DMRT1: variants seen among roughly 807,000 people sequenced by gnomAD.
The protein encoded by DMRT1 is doublesex and mab-3 related transcription factor 1.
DMRT1 carries 7 observed loss-of-function variants against 32.3 expected under a neutral mutation model. The observed-to-expected ratio is 0.22, with a 90% CI of 0.12 to 0.41. The LOEUF (loss-of-function observed/expected upper bound fraction) is 0.41, where lower values mean the gene tolerates loss of function less well. Among genes scored for constraint, DMRT1 ranks in the 10% least tolerant of loss-of-function variants. The probability of loss-of-function intolerance (pLI) is 1.00; values close to 1 mark genes in which losing one functional copy is unlikely to be tolerated. For synonymous variants in DMRT1, 278 were observed against 206.1 expected, an observed-to-expected ratio of 1.35 and a Z score of -2.99; for missense variants, 625 against 500.5, an observed-to-expected ratio of 1.25 and a Z score of -2.37.
intron 2 of DMRT1, among the ~76,000 whole-genome samples, chr9:862,266 G>C (rs965928528): frequency 2.0e-5 from 3 of 152,154 alleles, no homozygotes; most frequent in Admixed American, 2.0e-4. Context: ...TCGGGAGGCC[G>C]AGGCTGGCAG....
chr9:862,276 G>A (rs1194188481), intron 2 of DMRT1, among the ~76,000 whole-genome samples: 1 of 152,188 alleles, frequency 6.6e-6, no homozygotes, highest in African/African-American at 2.4e-5. Context: ...GAGGCTGGCA[G>A]ACCACTCGCG....
intron 3 of DMRT1, among the ~76,000 whole-genome samples, chr9:916,277 G>A (rs1350624389): frequency 6.6e-6 from 1 of 152,182 alleles, no homozygotes; most frequent in African/African-American, 2.4e-5. Flanking sequence ...CCTTAAGATA[G>A]AAAGGGCACC....
intron 3 of DMRT1, among the ~76,000 whole-genome samples, chr9:911,498 TTTTTTTTTTTTTTA>T (rs1171143586): frequency 3.3e-5 from 3 of 91,346 alleles, no homozygotes; most frequent in African/African-American, 1.1e-4. Flanking sequence ...TTTTTTTTTT[TTTTTTTTTTTTTTA>T]GATGGAGTCG....
chr9:897,333 G>A lies in DMRT1; in HGVS notation c.822+3138G>A, dbSNP rs182865820. On this transcript the variant is annotated intron_variant, in intron 3 of 4. Coordinates refer to ENST00000382276, the MANE Select transcript of DMRT1 (RefSeq NM_021951.3). ...GTGTTTCACCATGTTAGCCAGGATG[G>A]TCTCAATCTCCTGACCTCGTGATCC... 5.6e-3 allele frequency among the ~76,000 whole-genome samples: 850 copies of A among 151,870 alleles called. 9 individuals are homozygous for A. The highest frequency in any genetic ancestry group is 8.6e-3 in the Non-Finnish European group (586 of 67,968).
chr9:951,732 T>G (rs1307928992), intron 4 of DMRT1, among the ~76,000 whole-genome samples: 23 of 152,132 alleles, frequency 1.5e-4, no homozygotes. Context: ...TTGACAGAAA[T>G]GAGACCCTGG....
intron 1 of DMRT1, among the ~76,000 whole-genome samples, chr9:845,370 G>C (rs1487233360): frequency 6.6e-6 from 1 of 151,596 alleles, no homozygotes; most frequent in Non-Finnish European, 1.5e-5. Context: ...ACCATGCCTG[G>C]CTAGTTTTTG....
intron 2 of DMRT1, among the ~76,000 whole-genome samples, chr9:856,576 G>T (rs1329922897): frequency 2.0e-5 from 3 of 152,072 alleles, no homozygotes; most frequent in African/African-American, 7.2e-5. Context: ...AATTATTATT[G>T]TTCCTTTATA....
rs776684139 is a variant in DMRT1 at position 846,943 on chromosome 9, T to C, written c.355-17T>C. 1.2e-5 allele frequency: 20 copies of C among 1,613,912 alleles called. No individual in the cohort carries two copies. Among genetic ancestry groups the C allele is most frequent in the Admixed American group, 1.7e-5 (1 of 59,998 alleles). On this transcript the variant is annotated splice_polypyrimidine_tract_variant and intron_variant, in intron 1 of 4. Transcript: ENST00000382276. ...TTCTGGAGTGCTGGAGGATGACTCA[T>C]TGTCGTGTGCTTCCAGGTGGCCCTG... is the stretch of plus-strand genomic sequence containing the variant.
At chr9:963,439 A>G (rs1819839187) in intron 4 of DMRT1, among the ~76,000 whole-genome samples, 1 of 152,164 alleles carries the variant, frequency 6.6e-6, no homozygotes, top group African/African-American at 2.4e-5. Context: ...GTAAATTTAT[A>G]GTAAATGGAG....
At chr9:923,694 G>T (rs1210895193) in intron 4 of DMRT1, among the ~76,000 whole-genome samples, 1 of 152,134 alleles carries the variant, frequency 6.6e-6, no homozygotes, top group Non-Finnish European at 1.5e-5. Flanking sequence ...AGAGGGCTGC[G>T]TTTGTTATGT....
chr9:897,176 C>T (rs569501018), intron 3 of DMRT1, among the ~76,000 whole-genome samples: 1 of 151,394 alleles, frequency 6.6e-6, no homozygotes, highest in South Asian at 2.1e-4. Context: ...GCAGTGGCGC[C>T]ATCTCGGCTC....
At chr9:900,588 G>C (rs1817534712) in intron 3 of DMRT1, among the ~76,000 whole-genome samples, 2 of 151,600 alleles carry the variant, frequency 1.3e-5, no homozygotes, top group Admixed American at 6.6e-5. Context: ...TCAGGAGACA[G>C]TTATGATGAA....
chr9:871,328 T>C (rs1338689226), intron 2 of DMRT1, among the ~76,000 whole-genome samples: 1 of 144,332 alleles, frequency 6.9e-6, no homozygotes, highest in African/African-American at 2.6e-5. Flanking sequence ...GCCCGGCTGG[T>C]CTTTGAACTC....
At chr9:893,603 C>G (rs543911182) in intron 2 of DMRT1, among the ~76,000 whole-genome samples, 1 of 152,242 alleles carries the variant, frequency 6.6e-6, no homozygotes, top group African/African-American at 2.4e-5. Flanking sequence ...TCTTCAGTTT[C>G]TTGACATTAG....
At chr9:942,716 C>T (rs1041351154) in intron 4 of DMRT1, among the ~76,000 whole-genome samples, 2 of 152,000 alleles carry the variant, frequency 1.3e-5, no homozygotes, top group Admixed American at 6.6e-5. Context: ...TCAGATTTTC[C>T]AGAGGTTCGT....
At chr9:873,431 G>C (rs1213409866) in intron 2 of DMRT1, among the ~76,000 whole-genome samples, 1 of 151,516 alleles carries the variant, frequency 6.6e-6, no homozygotes, top group Non-Finnish European at 1.5e-5. Context: ...TCAGACTCCT[G>C]AGTAGCTGGG....
At chr9:893,519 T>A (rs1817232899) in intron 2 of DMRT1, among the ~76,000 whole-genome samples, 1 of 152,266 alleles carries the variant, frequency 6.6e-6, no homozygotes, top group Non-Finnish European at 1.5e-5. Flanking sequence ...CCACTCGTTT[T>A]GACTTTCTAA....
rs1227809094 is a variant in DMRT1, at chr9:968,459, G to C, written c.*320G>C. 5 of 269,998 alleles carry C rather than the reference G, an allele frequency of 1.9e-5. No homozygotes were observed. In the East Asian group the frequency reaches 3.5e-4, roughly 19 times the overall value. The allele number at this position is 269,998 out of a possible 1,614,324, so 16.7% of individuals were successfully genotyped here. On this transcript the variant is annotated 3_prime_UTR_variant, in exon 5 of 5. Coordinates refer to ENST00000382276, the MANE Select transcript of DMRT1 (RefSeq NM_021951.3). ...AAGCCATTTGTGTGCCTCTAAATGAGTCATCTAATTAGATGTTACTTTTAG... is the reference window on the plus strand; with the variant it reads ...AAGCCATTTGTGTGCCTCTAAATGACTCATCTAATTAGATGTTACTTTTAG...
intron 2 of DMRT1, among the ~76,000 whole-genome samples, chr9:859,907 G>A (rs7029460): frequency 0.31 from 47,612 of 151,868 alleles, 8,203 homozygotes; most frequent in African/African-American, 0.48. Context: ...TTGCCATTCA[G>A]CATATAGTAA....
Sources: gnomAD v4.1 joint callset for allele counts (sites outside exome capture counted in the v4.1 genomes callset) on GRCh38, gnomAD v4.1.1 for gene constraint, MANE v1.5 for transcripts, NCBI Gene and HGNC (gene_info 2026-07-23, HGNC 2026-07-21) for gene names.